The following MCC variants were observed in gnomAD, a reference collection of about 807,000 sequenced individuals.
MCC encodes MCC regulator of Wnt signaling pathway, also known as colorectal mutant cancer protein.
MCC carries 90 observed loss-of-function variants against 116.2 expected under a neutral mutation model. The observed-to-expected ratio is 0.77, with a 90% CI of 0.65 to 0.92. The LOEUF (loss-of-function observed/expected upper bound fraction) is 0.92. MCC is among the 40% of genes least tolerant of loss of function. MCC has a pLI of 0.00. For missense variants in MCC, 1,516 were observed against 1,312.2 expected (o/e 1.16, Z -2.40); for synonymous variants, 578 against 510.5 (o/e 1.13, Z -1.78).
intron 2 of MCC, among the ~76,000 whole-genome samples, chr5:113,383,376 C>T (rs1161162762): frequency 6.6e-6 from 1 of 152,108 alleles, no homozygotes; most frequent in African/African-American, 2.4e-5. Flanking sequence ...TAAATATTTA[C>T]TGAGTGTCTA....
chr5:113,133,589 G>C (rs980191629), intron 5 of MCC, among the ~76,000 whole-genome samples: 2 of 152,092 alleles, frequency 1.3e-5, no homozygotes, highest in African/African-American at 4.8e-5. Context: ...ATAAACAAGA[G>C]AATGCAGGTA....
chr5:113,233,234 T>C (rs1287773995), intron 3 of MCC, among the ~76,000 whole-genome samples: 2 of 152,178 alleles, frequency 1.3e-5, no homozygotes, highest in Non-Finnish European at 1.5e-5. Flanking sequence ...GCAAGTTATA[T>C]CGGCAAATGT....
At chr5:113,392,761 A>C (rs9326886) in intron 1 of MCC, among the ~76,000 whole-genome samples, 66,845 of 151,944 alleles carry the variant, frequency 0.44, 16,107 homozygotes, top group African/African-American at 0.63. Flanking sequence ...TAATGCTCAG[A>C]ACCACTCCAT....
chr5:113,428,272 A>G (rs1770534593), intron 1 of MCC, among the ~76,000 whole-genome samples: 1 of 152,188 alleles, frequency 6.6e-6, no homozygotes, highest in Non-Finnish European at 1.5e-5. Context: ...TTTAATGTAT[A>G]ACTAATATCT....
At chr5:113,111,349 G>C (rs186973248) in intron 6 of MCC, among the ~76,000 whole-genome samples, 3 of 152,236 alleles carry the variant, frequency 2.0e-5, no homozygotes, top group African/African-American at 7.2e-5. Flanking sequence ...CAGCACGTTA[G>C]GTTCATTGGT....
intron 3 of MCC, among the ~76,000 whole-genome samples, chr5:113,265,628 T>A (rs1254764825): frequency 6.6e-6 from 1 of 152,184 alleles, no homozygotes; most frequent in Non-Finnish European, 1.5e-5. Context: ...TCATTTGTTG[T>A]AAGTACACCG....
chr5:113,371,112 T>G (rs1030509754), intron 2 of MCC, among the ~76,000 whole-genome samples: 2 of 152,106 alleles, frequency 1.3e-5, no homozygotes, highest in Non-Finnish European at 2.9e-5. Flanking sequence ...TCCCAGCTAC[T>G]TGGGTGGCTG....
chr5:113,040,657 G>A (rs1467218334), intron 17 of MCC, among the ~76,000 whole-genome samples: 7 of 152,160 alleles, frequency 4.6e-5, no homozygotes, highest in Admixed American at 2.6e-4. Context: ...GCCCTGAGGT[G>A]TGTATATTGT....
At chr5:113,391,062 G>A (rs1769388321) in intron 1 of MCC, among the ~76,000 whole-genome samples, 1 of 152,180 alleles carries the variant, frequency 6.6e-6, no homozygotes, top group Non-Finnish European at 1.5e-5. Context: ...CGGAATAAAT[G>A]CATTTGCCTT....
At chr5:113,048,876 C>T in intron 16 of MCC, 1 of 592,480 alleles carries the variant, frequency 1.7e-6, no homozygotes, top group Non-Finnish European at 3.0e-6. Flanking sequence ...TGAAAAGGTT[C>T]AACTATTACA....
chr5:113,179,550 G>C (rs1761505396), intron 3 of MCC, among the ~76,000 whole-genome samples: 1 of 152,128 alleles, frequency 6.6e-6, no homozygotes, highest in African/African-American at 2.4e-5. Context: ...TTTAAAAACA[G>C]CAGATAGTAG....
chr5:113,330,148 C>G (rs1474584443), intron 3 of MCC, among the ~76,000 whole-genome samples: 1 of 152,212 alleles, frequency 6.6e-6, no homozygotes, highest in Middle Eastern at 3.2e-3. Flanking sequence ...TCAAATAAGG[C>G]AAATGCCAAG....
At chr5:113,125,288 G>T (rs374907627) in intron 5 of MCC, among the ~76,000 whole-genome samples, 15 of 152,208 alleles carry the variant, frequency 9.9e-5, no homozygotes, top group Admixed American at 2.6e-4. Context: ...AAAATGAGAA[G>T]AAGAGAAATG....
intron 3 of MCC, chr5:113,294,493 C>G (rs1766643595): frequency 1.6e-5 from 25 of 1,576,854 alleles, no homozygotes; most frequent in Non-Finnish European, 2.1e-5. Flanking sequence ...ACATTTTAGT[C>G]TAGACAGCCA....
Position 113,080,814 on chromosome 5 carries a change from AC to A in MCC, c.1784+2045del, listed in dbSNP as rs1340776722. On this transcript the variant is annotated intron_variant, in intron 11 of 18. Coordinates refer to ENST00000408903, the MANE Select transcript of MCC (RefSeq NM_001085377.2). ...ACTTAAAGTATAATTAACAACAACAACAAAAAAAAAAAAGAAAAGAAAAAAG... is the reference window on the plus strand; with the variant it reads ...ACTTAAAGTATAATTAACAACAACAAAAAAAAAAAAAAGAAAAGAAAAAAG... 7.6e-3 allele frequency among the ~76,000 whole-genome samples: 1,010 copies of A among 133,402 alleles called. 14 individuals carry two copies. The highest frequency in any genetic ancestry group is 0.03 in the African/African-American group (936 of 30,862). 87.5% of individuals were successfully genotyped at this position (133,402 alleles called of 152,430 possible).
At chr5:113,385,481 CCTTT>C (rs1374006985) in intron 1 of MCC, among the ~76,000 whole-genome samples, 1 of 152,090 alleles carries the variant, frequency 6.6e-6, no homozygotes, top group Non-Finnish European at 1.5e-5. Context: ...CCCTTCTCTC[CCTTT>C]CTTTGTTTTG....
At chr5:113,334,254 C>G (rs946128645) in intron 3 of MCC, among the ~76,000 whole-genome samples, 1 of 150,472 alleles carries the variant, frequency 6.6e-6, no homozygotes, top group Non-Finnish European at 1.5e-5. Context: ...GTTGCCCAGG[C>G]TGGAATGCAG....
intron 3 of MCC, among the ~76,000 whole-genome samples, chr5:113,154,441 C>G (rs1029410526): frequency 6.6e-6 from 1 of 152,254 alleles, no homozygotes; most frequent in Non-Finnish European, 1.5e-5. Context: ...TGACAGACCA[C>G]TCCTTGACCT....
At chr5:113,331,230 G>A (rs1340780978) in intron 3 of MCC, among the ~76,000 whole-genome samples, 2 of 148,408 alleles carry the variant, frequency 1.3e-5, no homozygotes, top group Non-Finnish European at 2.9e-5. Context: ...TCTGTACTGT[G>A]GTGTTCTGGC....
Sources: gnomAD v4.1 joint callset for allele counts (sites outside exome capture counted in the v4.1 genomes callset) on GRCh38, gnomAD v4.1.1 for gene constraint, MANE v1.5 for transcripts, NCBI Gene and HGNC (gene_info 2026-07-23, HGNC 2026-07-21) for gene names.